The following CUX1 variants were observed in gnomAD, a reference collection of about 807,000 sequenced individuals.
The protein encoded by CUX1 is cut like homeobox 1, also known as protein CASP.
In CUX1, 31 loss-of-function variants were observed where a neutral mutation model predicts 158.8. The ratio of observed to expected loss-of-function variants is 0.20; its 90% CI spans 0.15 to 0.26. The LOEUF is 0.26. Ranked by LOEUF, CUX1 falls within the 10% of genes least tolerant of loss-of-function variation. The probability of loss-of-function intolerance (pLI) is 1.00; values close to 1 mark genes in which losing one functional copy is unlikely to be tolerated. For missense variants in CUX1, 1,589 were observed against 2,014.6 expected, an observed-to-expected ratio of 0.79 and a Z score of 4.04; for synonymous variants, 879 against 862.1, an observed-to-expected ratio of 1.02 and a Z score of -0.34.
intron 1 of CUX1, among the ~76,000 whole-genome samples, chr7:101,827,244 C>CCTCTTCTCTTCT: frequency 7.7e-6 from 1 of 129,790 alleles, no homozygotes; most frequent in South Asian, 2.9e-4. Context: ...CCCCTCCCCT[C>CCTCTTCTCTTCT]CTTCTCTTCT....
At chr7:101,980,954 G>A (rs560342379) in intron 2 of CUX1, among the ~76,000 whole-genome samples, 17 of 152,250 alleles carry the variant, frequency 1.1e-4, no homozygotes, top group South Asian at 4.1e-4. Context: ...TTTAGCTACC[G>A]AGTCACATGC....
intron 8 of CUX1, among the ~76,000 whole-genome samples, chr7:102,133,699 A>G (rs1451736334): frequency 6.7e-6 from 1 of 150,168 alleles, no homozygotes; most frequent in Non-Finnish European, 1.5e-5. Flanking sequence ...CTGGTCTTGA[A>G]CTCCTGACCT....
At chr7:101,903,523 A>G (rs567092010) in intron 1 of CUX1, among the ~76,000 whole-genome samples, 1 of 152,290 alleles carries the variant, frequency 6.6e-6, no homozygotes, top group South Asian at 2.1e-4. Context: ...CTGCTTATAA[A>G]ACGGACATTT....
intron 2 of CUX1, among the ~76,000 whole-genome samples, chr7:101,929,406 G>A (rs779417882): frequency 1.6e-4 from 25 of 152,154 alleles, no homozygotes; most frequent in Non-Finnish European, 3.5e-4. Context: ...TTCTTTGAGA[G>A]TAGCCCATAA....
At chr7:102,195,167 G>A (rs1309943327) in intron 13 of CUX1, among the ~76,000 whole-genome samples, 4 of 151,628 alleles carry the variant, frequency 2.6e-5, no homozygotes, top group African/African-American at 7.3e-5. Context: ...TCGGACAGAC[G>A]TTTGTGGCTT....
intron 9 of CUX1, among the ~76,000 whole-genome samples, chr7:102,165,350 C>CTTTTTTT (rs533978049): frequency 1.9e-5 from 2 of 105,370 alleles, no homozygotes; most frequent in Admixed American, 1.0e-4. Context: ...TAGGGGAAAG[C>CTTTTTTT]TTTTTTTTTT....
In CUX1 at chr7:102,124,783, T is replaced by A. The variant is rs201141952; in HGVS notation, c.674+9510T>A. Among the ~76,000 whole-genome samples the A allele has an allele frequency of 5.7e-3, 801 of 141,636 alleles. 10 individuals are homozygous for A. Among genetic ancestry groups the A allele is most frequent in the Admixed American group, 0.023 (327 of 14,158 alleles). 92.9% of individuals were successfully genotyped at this position (141,636 alleles called of 152,430 possible). On this transcript the variant is annotated intron_variant, in intron 8 of 23. Coordinates refer to ENST00000292535, the MANE Select transcript of CUX1 (RefSeq NM_181552.4). ...ATATTGTAAAATTGGTTAGTAGAAA[T>A]TTTTTTTTTTTTTTTGAGACAGAGT...
chr7:101,902,251 G>C, intron 1 of CUX1, among the ~76,000 whole-genome samples: 1 of 152,244 alleles, frequency 6.6e-6, no homozygotes, highest in South Asian at 2.1e-4. Flanking sequence ...CGACAAAGCC[G>C]GTCAGTCATC....
chr7:102,245,843 G>A (rs1405740699), intron 23 of CUX1, among the ~76,000 whole-genome samples: 2 of 151,888 alleles, frequency 1.3e-5, no homozygotes, highest in African/African-American at 2.4e-5. Flanking sequence ...GTCGTGGCAC[G>A]TACCTGTAGT....
chr7:101,920,164 C>G (rs1233736408), intron 2 of CUX1, among the ~76,000 whole-genome samples: 1 of 151,548 alleles, frequency 6.6e-6, no homozygotes, highest in African/African-American at 2.4e-5. Context: ...CTCTGTTGCC[C>G]AGGCTGGAGT....
intron 8 of CUX1, among the ~76,000 whole-genome samples, chr7:102,151,986 C>T (rs986891875): frequency 3.3e-5 from 5 of 151,980 alleles, no homozygotes; most frequent in African/African-American, 4.8e-5. Flanking sequence ...GCAGGAGGAT[C>T]GCTTCAGGCC....
rs546948298 is a variant in CUX1 at position 102,206,103 on chromosome 7, G to A, written c.3130+933G>A. Among the ~76,000 whole-genome samples the A allele has an allele frequency of 2.0e-4, 30 of 152,314 alleles. 1 individual carries two copies. In the South Asian group the frequency reaches 5.8e-3, roughly 29 times the overall value. ...AGCTTGCCGCAAGCTCCACGAGGGGGAACATGTGTAGCACGGGGAACAGCT... is the reference window on the plus strand; with the variant it reads ...AGCTTGCCGCAAGCTCCACGAGGGGAAACATGTGTAGCACGGGGAACAGCT... On this transcript the variant is annotated intron_variant, in intron 20 of 23. Coordinates refer to ENST00000292535, the MANE Select transcript of CUX1 (RefSeq NM_181552.4).
At chr7:102,212,467 T>A (rs1554523417) in intron 20 of CUX1, among the ~76,000 whole-genome samples, 1 of 152,186 alleles carries the variant, frequency 6.6e-6, no homozygotes, top group African/African-American at 2.4e-5. Context: ...TCCCTGTGCC[T>A]CACCCAAAGA....
At chr7:102,215,004 A>C (rs1011276998) in intron 20 of CUX1, among the ~76,000 whole-genome samples, 3 of 152,164 alleles carry the variant, frequency 2.0e-5, no homozygotes, top group Non-Finnish European at 2.9e-5. Context: ...CTATTTGATA[A>C]GGAAACTTTT....
chr7:101,894,587 C>T (rs1801256927), intron 1 of CUX1, among the ~76,000 whole-genome samples: 1 of 152,232 alleles, frequency 6.6e-6, no homozygotes, highest in African/African-American at 2.4e-5. Flanking sequence ...GCTGGGATTA[C>T]AGGCGTGAGC....
chr7:101,983,949 G>T (rs553241332), intron 2 of CUX1, among the ~76,000 whole-genome samples: 1 of 150,598 alleles, frequency 6.6e-6, no homozygotes, highest in Non-Finnish European at 1.5e-5. Context: ...CAGGAAAATC[G>T]CTTGAACCCG....
intron 2 of CUX1, among the ~76,000 whole-genome samples, chr7:101,946,844 T>C (rs2129147892): frequency 6.6e-6 from 1 of 152,290 alleles, no homozygotes; most frequent in East Asian, 1.9e-4. Flanking sequence ...GCTCAACCCA[T>C]GCTGCTGCTG....
At chr7:102,263,874 G>C (rs149343821) in intron 14 of CUX1, among the ~76,000 whole-genome samples, 1 of 151,428 alleles carries the variant, frequency 6.6e-6, no homozygotes, top group East Asian at 2.0e-4. Context: ...TGTATTTTTA[G>C]TAGAGACGGG....
intron 8 of CUX1, among the ~76,000 whole-genome samples, chr7:102,132,680 C>CTTTTTTT (rs1174779466): frequency 1.1e-3 from 130 of 115,126 alleles, no homozygotes; most frequent in Non-Finnish European, 1.6e-3. Context: ...CTTTGCTTTT[C>CTTTTTTT]TTTTTTTTTT....
Sources: allele counts gnomAD v4.1 joint callset (sites outside exome capture counted in the v4.1 genomes callset), GRCh38; gene constraint gnomAD v4.1.1; transcripts MANE v1.5; gene names NCBI Gene and HGNC (gene_info 2026-07-23, HGNC 2026-07-21).